Variants in DLG5 observed in about 807,000 individuals in gnomAD.
The protein encoded by DLG5 is disks large homolog 5.
In DLG5, 48 loss-of-function variants were observed where a neutral mutation model predicts 189.8. The observed-to-expected ratio is 0.25, with a 90% CI of 0.20 to 0.32. DLG5 has a LOEUF of 0.32. DLG5 is among the 10% of genes least tolerant of loss of function. The pLI is 1.00. For synonymous variants in DLG5, 1,016 were observed against 1,054.1 expected (o/e 0.96, Z 0.70); for missense variants, 2,160 against 2,544.7 (o/e 0.85, Z 3.25).
Position 77,809,538 on chromosome 10 carries a change from A to T in DLG5, c.4647+9T>A, listed in dbSNP as rs963807778. ...GGAGGCCTGGCCTGCTCAGCAGCTC[A>T]GAACTCACCTCCAGGATGAGGTCCC... On this transcript the variant is annotated intron_variant, in intron 24 of 31. Transcript: ENST00000372391. 1 of 1,609,692 alleles carries T rather than the reference A, an allele frequency of 6.2e-7. No homozygotes were observed. The highest frequency in any genetic ancestry group is 8.5e-7 in the Non-Finnish European group (1 of 1,177,910).
At chr10:77,882,876 T>C (rs1391811021) in intron 1 of DLG5, among the ~76,000 whole-genome samples, 1 of 150,560 alleles carries the variant, frequency 6.6e-6, no homozygotes, top group African/African-American at 2.4e-5. Context: ...ATCACTCCAC[T>C]GCACTCCAGC....
chr10:77,910,814 T>C (rs1846197042), intron 1 of DLG5, among the ~76,000 whole-genome samples: 2 of 151,892 alleles, frequency 1.3e-5, no homozygotes, highest in Non-Finnish European at 2.9e-5. Context: ...CTACTAAAAA[T>C]ACCAAAAATT....
intron 1 of DLG5, among the ~76,000 whole-genome samples, chr10:77,904,069 T>C (rs559690952): frequency 6.6e-6 from 1 of 152,326 alleles, no homozygotes; most frequent in South Asian, 2.1e-4. Flanking sequence ...CTCAGGAGGC[T>C]GCAGTGGGAG....
At position 77,821,533 on chromosome 10, in the gene DLG5, G is replaced by A. The variant is rs752928776; in HGVS notation, c.2951C>T (p.Thr984Ile). 6.2e-7 allele frequency: 1 copy of A among 1,612,716 alleles called. No homozygotes were observed. The change falls in exon 15 of 32, where the codon ACA (threonine) becomes ATA (isoleucine). Residue 984 changes from threonine (T) to isoleucine (I), a missense_variant. Physicochemically the swap from Thr to Ile is moderately conservative, Grantham distance 89. Coordinates refer to ENST00000372391, the MANE Select transcript of DLG5 (RefSeq NM_004747.4). The part of the protein sequence containing the change: ...FDPNTFKRPQ[T>I]PPKIDYLLPG... ...AAGCAGGTAGTCTATTTTGGGGGGT[G>A]TCTGGGGGCGTTTGAAAGTGTTAGG...
chr10:77,888,454 G>A (rs1845508750), intron 1 of DLG5, among the ~76,000 whole-genome samples: 1 of 152,204 alleles, frequency 6.6e-6, no homozygotes, highest in African/African-American at 2.4e-5. Flanking sequence ...CATGATGACA[G>A]AAGACAGCAG....
chr10:77,793,396 C>T (rs1178800797), intron 31 of DLG5: 1 of 153,476 alleles, frequency 6.5e-6, no homozygotes, highest in Non-Finnish European at 1.4e-5. Flanking sequence ...CCTGTCCCAT[C>T]CTCTGTGACT....
intron 1 of DLG5, among the ~76,000 whole-genome samples, chr10:77,924,777 G>T (rs1159143793): frequency 6.6e-6 from 1 of 152,180 alleles, no homozygotes; most frequent in Non-Finnish European, 1.5e-5. Context: ...CAAGTCAGAA[G>T]CTCAAAGTGG....
intron 20 of DLG5, among the ~76,000 whole-genome samples, chr10:77,814,479 A>G (rs915267825): frequency 9.6e-6 from 1 of 104,590 alleles, no homozygotes. Context: ...ATATATATAT[A>G]TATATATATA....
chr10:77,811,836 C>A (rs1841787458), intron 22 of DLG5, 88 bp downstream of exon 22: 1 of 1,466,824 alleles, frequency 6.8e-7, no homozygotes, highest in Non-Finnish European at 9.0e-7. Context: ...TTACGGCTGG[C>A]ACCCTGGGTC....
rs529901275 is a variant in DLG5, at chr10:77,821,689, G to A, written c.2795C>T (p.Ser932Phe). 1.2e-6 allele frequency: 2 copies of A among 1,612,390 alleles called. No homozygotes were observed. Among genetic ancestry groups the A allele is most frequent in the Middle Eastern group, 1.6e-4 (1 of 6,080 alleles). The stretch of plus-strand genomic sequence containing the variant: ...GCCTTCAGAGTCTGCCTTGTCCAGG[G>A]AGGCCTCCCCAACCCCACAGGGGCC... ...EVGPCGVGEASLDKADSEGSN... is the reference protein window; with the variant it reads ...EVGPCGVGEAFLDKADSEGSN... Residue 932 changes from serine (S) to phenylalanine (F), a missense_variant, in exon 15 of 32, where the codon TCC becomes TTC. By Grantham distance (155) the Ser-to-Phe change is radical (BLOSUM62 -2). Transcript: ENST00000372391.
Position 77,816,544 on chromosome 10 carries a change from T to C in DLG5, c.4025+7A>G, listed in dbSNP as rs200853183. ...TACCCACTCCACCGATGACCGGCCATGCTCACCTGTCCTTTCTCCGCTCCC... is the reference window on the plus strand; with the variant it reads ...TACCCACTCCACCGATGACCGGCCACGCTCACCTGTCCTTTCTCCGCTCCC... On this transcript the variant is annotated splice_region_variant and intron_variant, in intron 20 of 31. Coordinates refer to ENST00000372391, the MANE Select transcript of DLG5 (RefSeq NM_004747.4). The C allele has an allele frequency of 1.2e-5, 20 of 1,613,992 alleles. No homozygotes were observed. The African/African-American group carries it at 1.9e-4, about 15-fold the overall frequency.
chr10:77,926,089 G>A lies in DLG5; in HGVS notation c.304+128C>T. 9.6e-7 allele frequency: 1 copy of A among 1,037,188 alleles called. No homozygotes were observed. The highest frequency in any genetic ancestry group is 1.3e-6 in the Non-Finnish European group (1 of 793,732). 64.2% of individuals were successfully genotyped at this position (1,037,188 alleles called of 1,614,324 possible). ...CGCGCACCGCCGCCTCCCCAACTGG[G>A]CCAGAGGAGCGAGTCCACCGAGGCC... On this transcript the variant is annotated intron_variant, in intron 1 of 31. Coordinates refer to ENST00000372391, the MANE Select transcript of DLG5 (RefSeq NM_004747.4). This position sits in a 1 kb window ranked among gnomAD's most constrained non-coding sequence, Gnocchi z 5.2.
chr10:77,809,320 C>G (rs183649606), intron 24 of DLG5, among the ~76,000 whole-genome samples: 2 of 152,124 alleles, frequency 1.3e-5, no homozygotes, highest in African/African-American at 2.4e-5. Context: ...GCAGGAGAAT[C>G]GCTTGAACCT....
At chr10:77,939,826 A>T in the DLG5 span, among the ~76,000 whole-genome samples, 1 of 152,222 alleles carries the variant, frequency 6.6e-6, no homozygotes, top group Non-Finnish European at 1.5e-5. Flanking sequence ...ACACGGTCAC[A>T]TGAGGTGTTG....
At chr10:77,843,319 A>G in intron 6 of DLG5, 128 bp downstream of exon 6, 1 of 1,199,944 alleles carries the variant, frequency 8.3e-7, no homozygotes, top group Non-Finnish European at 1.2e-6. Flanking sequence ...TCAAAAAAAA[A>G]TGTTTCCTGG....
At chr10:77,836,370 C>T (rs1347734176) in intron 7 of DLG5, among the ~76,000 whole-genome samples, 3 of 152,096 alleles carry the variant, frequency 2.0e-5, no homozygotes, top group Non-Finnish European at 4.4e-5. Flanking sequence ...AGGGAAATGA[C>T]GGATGACAAA....
In DLG5 at chr10:77,811,091, GA is replaced by G; in HGVS notation, c.4463+2del. On this transcript the variant is annotated splice_donor_variant, in intron 23 of 31. Transcript: ENST00000372391. LOFTEE classifies it high-confidence loss of function. Reference sequence around the variant, plus strand: ...GGGAAGGCTCACAGCAACGTCTGCTGACCTGGAGCTGCTCTGCTTGGCTGGG... The same window carrying G: ...GGGAAGGCTCACAGCAACGTCTGCTGCCTGGAGCTGCTCTGCTTGGCTGGG... 6.2e-7 allele frequency: 1 copy of G among 1,610,998 alleles called. No individual in the cohort carries two copies. The highest frequency in any genetic ancestry group is 8.5e-7 in the Non-Finnish European group (1 of 1,179,782).
At position 77,824,370 on chromosome 10, in the gene DLG5, G is replaced by A. The variant is rs1842511267; in HGVS notation, c.2382+14C>T. ...ACTCCTGACCGTGAGAGCAGAGCCA[G>A]GTCCAGCCCTTACCTTCAGGAGGGA... is the stretch of plus-strand genomic sequence containing the variant. On this transcript the variant is annotated intron_variant, in intron 14 of 31. Coordinates refer to ENST00000372391, the MANE Select transcript of DLG5 (RefSeq NM_004747.4). 6.3e-7 allele frequency: 1 copy of A among 1,598,346 alleles called. No homozygotes were observed. The highest frequency in any genetic ancestry group is 1.3e-5 in the African/African-American group (1 of 74,604).
chr10:77,847,950 AC>A (rs1285020807), intron 5 of DLG5, among the ~76,000 whole-genome samples: 1 of 151,986 alleles, frequency 6.6e-6, no homozygotes, highest in Non-Finnish European at 1.5e-5. Flanking sequence ...CAAGTGATAC[AC>A]CCACTTTGGC....
Sources: allele counts gnomAD v4.1 joint callset (sites outside exome capture counted in the v4.1 genomes callset), GRCh38; gene constraint gnomAD v4.1.1; non-coding constraint Gnocchi (gnomAD v3.1); transcripts MANE v1.5; gene names NCBI Gene and HGNC (gene_info 2026-07-23, HGNC 2026-07-21).